KCNAB1: variants seen among roughly 807,000 people sequenced by gnomAD.
The protein encoded by KCNAB1 is potassium voltage-gated channel subfamily A regulatory beta subunit 1.
Under a neutral mutation model 64.6 loss-of-function variants are expected in KCNAB1, and 35 were observed. The observed-to-expected ratio is 0.54, with a 90% confidence interval of 0.41 to 0.72. The LOEUF is 0.72. Among genes scored for constraint, KCNAB1 ranks in the 30% least tolerant of loss-of-function variants. The probability of loss-of-function intolerance (pLI) is 0.00; values close to 1 mark genes in which losing one functional copy is unlikely to be tolerated. For synonymous variants in KCNAB1, 177 were observed against 183.8 expected (o/e 0.96, Z 0.30); for missense variants, 401 against 512.9 (o/e 0.78, Z 2.11).
At chr3:156,429,979 C>T (rs113453516) in intron 2 of KCNAB1, among the ~76,000 whole-genome samples, 2,314 of 152,300 alleles carry the variant, frequency 0.015, 26 homozygotes, top group South Asian at 0.034. Flanking sequence ...TGTCATGATG[C>T]ATACATATTA....
rs575481205 is a variant in KCNAB1 at position 156,411,468 on chromosome 3, A to G, written c.276-10148A>G. On this transcript the variant is annotated intron_variant, in intron 1 of 13. Transcript: ENST00000490337. ...ACACATATTTTCTCCCATTTTTTCT[A>G]GAAGTTTTATAGTGTCATATTTTAC... Among the ~76,000 whole-genome samples the G allele has an allele frequency of 1.1e-4, 17 of 152,142 alleles. No homozygotes were observed. In the South Asian group the frequency reaches 3.3e-3, roughly 30 times the overall value.
chr3:156,250,943 T>C (rs1435210385), intron 1 of KCNAB1, among the ~76,000 whole-genome samples: 1 of 152,234 alleles, frequency 6.6e-6, no homozygotes, highest in African/African-American at 2.4e-5. Context: ...TTTTTAATAT[T>C]TTTTTCTTTT....
At chr3:156,396,610 G>A (rs187264909) in intron 1 of KCNAB1, among the ~76,000 whole-genome samples, 240 of 152,248 alleles carry the variant, frequency 1.6e-3, no homozygotes, top group Middle Eastern at 3.4e-3. Context: ...AAAGAACATC[G>A]TAGAGGGCTT....
At chr3:156,224,286 C>G (rs1487453525) in intron 1 of KCNAB1, among the ~76,000 whole-genome samples, 1 of 152,260 alleles carries the variant, frequency 6.6e-6, no homozygotes, top group Non-Finnish European at 1.5e-5. Flanking sequence ...CACGCAGCCC[C>G]GGTTTCCACC....
rs537887646 is a variant in KCNAB1 at position 156,126,325 on chromosome 3, C to T, written c.275+5439C>T. Among the ~76,000 whole-genome samples the T allele has an allele frequency of 1.4e-4, 22 of 152,040 alleles. No homozygotes were observed. The South Asian group carries it at 2.3e-3, about 16-fold the overall frequency. On this transcript the variant is annotated intron_variant, in intron 1 of 13. Transcript: ENST00000490337. ...GTGGAGGAGAGGCAGTGTGTGCAGG[C>T]CACTCTCAAGAAGAGGCAGTGCAGA...
At chr3:156,449,028 G>A (rs115372875) in intron 2 of KCNAB1, among the ~76,000 whole-genome samples, 1,719 of 152,020 alleles carry the variant, frequency 0.011, 14 homozygotes, top group South Asian at 0.027. Context: ...AGCAAGTGTC[G>A]AAGGGCCAGG....
At chr3:156,286,709 A>T (rs1720116017) in intron 1 of KCNAB1, among the ~76,000 whole-genome samples, 1 of 152,332 alleles carries the variant, frequency 6.6e-6, no homozygotes, top group East Asian at 1.9e-4. Flanking sequence ...TTAAATGGAA[A>T]TTATTTCTAT....
At chr3:156,325,688 C>T (rs1356071487) in intron 1 of KCNAB1, among the ~76,000 whole-genome samples, 1 of 151,830 alleles carries the variant, frequency 6.6e-6, no homozygotes, top group African/African-American at 2.4e-5. Flanking sequence ...TGTGGTGGCT[C>T]ACACCTGTAA....
chr3:156,341,314 G>A (rs1471400108), intron 1 of KCNAB1, among the ~76,000 whole-genome samples: 2 of 152,166 alleles, frequency 1.3e-5, no homozygotes, highest in Non-Finnish European at 2.9e-5. Flanking sequence ...TCTAGACGAC[G>A]AGTTAAGTTC....
chr3:156,305,066 G>A (rs980476751), intron 1 of KCNAB1, among the ~76,000 whole-genome samples: 2 of 151,786 alleles, frequency 1.3e-5, no homozygotes, highest in African/African-American at 4.8e-5. Flanking sequence ...ACTTCACTTT[G>A]TCTTTACTAC....
chr3:156,250,556 T>C (rs1717770472), intron 1 of KCNAB1, among the ~76,000 whole-genome samples: 1 of 152,170 alleles, frequency 6.6e-6, no homozygotes, highest in Non-Finnish European at 1.5e-5. Context: ...GTGTAGCATC[T>C]GGGTTACGGC....
intron 2 of KCNAB1, among the ~76,000 whole-genome samples, chr3:156,433,387 T>G (rs16826120): frequency 0.036 from 5,479 of 152,230 alleles, 317 homozygotes; most frequent in African/African-American, 0.13. Context: ...GTGAAAGAAT[T>G]CAGGACCACA....
At chr3:156,405,139 A>G (rs1337739900) in intron 1 of KCNAB1, among the ~76,000 whole-genome samples, 1 of 152,226 alleles carries the variant, frequency 6.6e-6, no homozygotes, top group Non-Finnish European at 1.5e-5. Flanking sequence ...CTCTACCTGT[A>G]AAAAGCAGGC....
intron 1 of KCNAB1, among the ~76,000 whole-genome samples, chr3:156,205,261 A>T (rs1458525181): frequency 6.6e-6 from 1 of 152,222 alleles, no homozygotes; most frequent in Non-Finnish European, 1.5e-5. Flanking sequence ...CAGATAATGA[A>T]AAAAACATTT....
At chr3:156,293,067 A>G (rs1305382718) in intron 1 of KCNAB1, among the ~76,000 whole-genome samples, 1 of 152,158 alleles carries the variant, frequency 6.6e-6, no homozygotes, top group Non-Finnish European at 1.5e-5. Flanking sequence ...CTCATCCCCT[A>G]TGTTGTTTTC....
intron 1 of KCNAB1, among the ~76,000 whole-genome samples, chr3:156,289,719 T>C (rs1420727474): frequency 6.6e-6 from 1 of 152,252 alleles, no homozygotes; most frequent in African/African-American, 2.4e-5. Flanking sequence ...TGAGATTCTA[T>C]AATCTGATTT....
At chr3:156,405,943 T>C (rs144598848) in intron 1 of KCNAB1, among the ~76,000 whole-genome samples, 1 of 152,338 alleles carries the variant, frequency 6.6e-6, no homozygotes, top group African/African-American at 2.4e-5. Context: ...AGGTCTTGAC[T>C]TGGAGCTCTT....
chr3:156,327,741 G>A (rs1488444969), intron 1 of KCNAB1, among the ~76,000 whole-genome samples: 1 of 152,112 alleles, frequency 6.6e-6, no homozygotes, highest in Non-Finnish European at 1.5e-5. Context: ...GCTGTATCTT[G>A]GAGTCAGGGG....
chr3:156,245,505 C>T (rs370227936), intron 1 of KCNAB1, among the ~76,000 whole-genome samples: 11 of 151,460 alleles, frequency 7.3e-5, no homozygotes, highest in African/African-American at 1.2e-4. Flanking sequence ...TGTGTGTGCA[C>T]GCGTATGTGT....
Sources: gnomAD v4.1 joint callset for allele counts (sites outside exome capture counted in the v4.1 genomes callset) on GRCh38, gnomAD v4.1.1 for gene constraint, MANE v1.5 for transcripts, NCBI Gene and HGNC (gene_info 2026-07-23, HGNC 2026-07-21) for gene names.